Variants in KIAA1328 observed in about 807,000 individuals in gnomAD.
KIAA1328 encodes the protein KIAA1328, also known as protein hinderin.
KIAA1328 carries 52 observed loss-of-function variants against 68.1 expected under a neutral mutation model. The ratio of observed to expected loss-of-function variants is 0.76; its 90% CI spans 0.61 to 0.96. KIAA1328 has a LOEUF of 0.96. Among genes scored for constraint, KIAA1328 ranks in the 40% least tolerant of loss-of-function variants. The probability of loss-of-function intolerance (pLI) is 0.00; values close to 1 mark genes in which losing one functional copy is unlikely to be tolerated. For synonymous variants in KIAA1328, 232 were observed against 239.4 expected, an observed-to-expected ratio of 0.97 and a Z score of 0.28; for missense variants, 641 against 677.6, an observed-to-expected ratio of 0.95 and a Z score of 0.60.
At chr18:37,134,560 C>T (rs1260487381) in intron 7 of KIAA1328, among the ~76,000 whole-genome samples, 1 of 152,158 alleles carries the variant, frequency 6.6e-6, no homozygotes, top group Non-Finnish European at 1.5e-5. Flanking sequence ...GCTGTATTCT[C>T]ATTTCTTCTG....
intron 6 of KIAA1328, among the ~76,000 whole-genome samples, chr18:37,037,738 T>TAGATTGTAATTAGGACACCC: frequency 6.6e-6 from 1 of 150,974 alleles, no homozygotes; most frequent in East Asian, 2.0e-4. Flanking sequence ...CCTAATCTTT[T>TAGATTGTAATTAGGACACCC]TAATATACAA....
At chr18:36,944,407 T>C (rs904941976) in intron 5 of KIAA1328, among the ~76,000 whole-genome samples, 4 of 152,040 alleles carry the variant, frequency 2.6e-5, no homozygotes, top group Non-Finnish European at 5.9e-5. Flanking sequence ...TGAAACCCCA[T>C]CTCTACTAAA....
chr18:37,033,551 C>A lies in KIAA1328; in HGVS notation c.577-33339C>A, dbSNP rs536231908. On this transcript the variant is annotated intron_variant, in intron 6 of 9. Transcript: ENST00000280020. Reference sequence around the variant, plus strand: ...GATCAACCATTCTGACTAGACAAAACTTGAACATCTCCTTGTACTGTGTGA... The same window carrying A: ...GATCAACCATTCTGACTAGACAAAAATTGAACATCTCCTTGTACTGTGTGA... Among the ~76,000 whole-genome samples, 11 of 152,312 alleles carry A rather than the reference C, an allele frequency of 7.2e-5. No homozygotes were observed. In the South Asian group the frequency reaches 8.3e-4, roughly 11 times the overall value.
intron 6 of KIAA1328, among the ~76,000 whole-genome samples, chr18:37,010,664 T>A (rs2053949416): frequency 6.6e-6 from 1 of 152,108 alleles, no homozygotes; most frequent in South Asian, 2.1e-4. Flanking sequence ...AAGCATTGTC[T>A]GTACTGTGGA....
At chr18:36,915,824 C>T (rs1283774623) in intron 5 of KIAA1328, among the ~76,000 whole-genome samples, 1 of 152,122 alleles carries the variant, frequency 6.6e-6, no homozygotes, top group African/African-American at 2.4e-5. Flanking sequence ...AATCCCACTC[C>T]TAGGCATTCA....
intron 7 of KIAA1328, among the ~76,000 whole-genome samples, chr18:37,083,856 C>T (rs891203747): frequency 1.3e-5 from 2 of 152,082 alleles, no homozygotes; most frequent in African/African-American, 2.4e-5. Flanking sequence ...TTAAAGTGCT[C>T]CTATTGAAGT....
intron 9 of KIAA1328, among the ~76,000 whole-genome samples, chr18:37,191,537 A>G (rs1200485872): frequency 2.0e-5 from 3 of 152,214 alleles, no homozygotes; most frequent in Non-Finnish European, 4.4e-5. Context: ...CATGGCTTGC[A>G]TTCATAGTAT....
intron 4 of KIAA1328, among the ~76,000 whole-genome samples, chr18:36,867,512 A>G (rs768402533): frequency 1.3e-5 from 2 of 152,242 alleles, no homozygotes; most frequent in African/African-American, 2.4e-5. Context: ...ATGTTTTTCA[A>G]TTACAGAGTG....
At chr18:37,173,128 C>A in intron 9 of KIAA1328, 47 bp downstream of exon 9, 3 of 1,364,364 alleles carry the variant, frequency 2.2e-6, no homozygotes, top group Non-Finnish European at 2.0e-6. Flanking sequence ...CCTATGAGAG[C>A]ATTTTTTTGA....
chr18:36,952,815 G>A (rs1374052921), intron 5 of KIAA1328, among the ~76,000 whole-genome samples: 1 of 152,066 alleles, frequency 6.6e-6, no homozygotes, highest in Non-Finnish European at 1.5e-5. Context: ...TCAGATCATA[G>A]TAACAGTTTG....
intron 7 of KIAA1328, among the ~76,000 whole-genome samples, chr18:37,098,116 T>A (rs985129562): frequency 1.3e-5 from 2 of 152,078 alleles, no homozygotes; most frequent in African/African-American, 2.4e-5. Context: ...CTATGTTGAA[T>A]AGGAGTGGTG....
In KIAA1328 at chr18:36,991,566, A is replaced by G. The variant is rs546020087; in HGVS notation, c.576+32131A>G. Among the ~76,000 whole-genome samples the G allele has an allele frequency of 6.2e-4, 94 of 152,332 alleles. 3 individuals are homozygous for G. In the South Asian group the frequency reaches 0.018, roughly 30 times the overall value. ...TTTCAGATTTTTGAAGATGAAAACA[A>G]TAAAATGAATTCAGTTTCAGTTATC... On this transcript the variant is annotated intron_variant, in intron 6 of 9. Coordinates refer to ENST00000280020, the MANE Select transcript of KIAA1328 (RefSeq NM_020776.3).
chr18:37,007,825 AC>A (rs2053836887), intron 6 of KIAA1328, among the ~76,000 whole-genome samples: 3 of 152,194 alleles, frequency 2.0e-5, no homozygotes, highest in African/African-American at 7.2e-5. Flanking sequence ...AAAAGTCTGG[AC>A]AAAATATAAA....
At chr18:36,979,434 A>G (rs2052598468) in intron 6 of KIAA1328, among the ~76,000 whole-genome samples, 2 of 152,180 alleles carry the variant, frequency 1.3e-5, no homozygotes, top group Non-Finnish European at 2.9e-5. Context: ...TTCTTCAGGT[A>G]GGATCACAGC....
At chr18:37,099,931 G>T (rs1319204553) in intron 7 of KIAA1328, among the ~76,000 whole-genome samples, 2 of 152,158 alleles carry the variant, frequency 1.3e-5, no homozygotes, top group Non-Finnish European at 2.9e-5. Flanking sequence ...TTGCTTGGTA[G>T]ATCTCCCTCC....
chr18:36,904,502 T>C (rs76549850), intron 5 of KIAA1328, among the ~76,000 whole-genome samples: 3,721 of 152,206 alleles, frequency 0.024, 62 homozygotes, highest in Non-Finnish European at 0.036. Context: ...GTAATATTCT[T>C]TGCCCTAAAA....
chr18:37,109,613 A>G (rs1279819728), intron 7 of KIAA1328, among the ~76,000 whole-genome samples: 5 of 152,204 alleles, frequency 3.3e-5, no homozygotes, highest in South Asian at 2.1e-4. Flanking sequence ...AGCATTATCT[A>G]TAGAAATTAG....
At chr18:36,938,844 T>C (rs1389080325) in intron 5 of KIAA1328, among the ~76,000 whole-genome samples, 1 of 152,160 alleles carries the variant, frequency 6.6e-6, no homozygotes, top group African/African-American at 2.4e-5. Context: ...AGAGACTCTG[T>C]TTTCATCATA....
intron 9 of KIAA1328, among the ~76,000 whole-genome samples, chr18:37,204,597 T>A (rs1200658947): frequency 6.6e-6 from 1 of 152,178 alleles, no homozygotes; most frequent in Non-Finnish European, 1.5e-5. Context: ...GCCAAAGCCC[T>A]TACTGAGTTT....
Sources: allele counts gnomAD v4.1 joint callset (sites outside exome capture counted in the v4.1 genomes callset), GRCh38; gene constraint gnomAD v4.1.1; transcripts MANE v1.5; gene names NCBI Gene and HGNC (gene_info 2026-07-23, HGNC 2026-07-21).